Variants in GRIA1 observed in about 807,000 individuals in gnomAD.
GRIA1 encodes glutamate receptor 1.
GRIA1 carries 31 observed loss-of-function variants against 99.2 expected under a neutral mutation model. The ratio of observed to expected loss-of-function variants is 0.31; its 90% CI spans 0.23 to 0.42. GRIA1 has a LOEUF of 0.42. Among genes scored for constraint, GRIA1 ranks in the 10% least tolerant of loss-of-function variants. The pLI is 1.00. For missense variants in GRIA1, 782 were observed against 1,157.5 expected, an observed-to-expected ratio of 0.68 and a Z score of 4.71; for synonymous variants, 438 against 432.4, an observed-to-expected ratio of 1.01 and a Z score of -0.16.
intron 2 of GRIA1, among the ~76,000 whole-genome samples, chr5:153,594,398 G>A (rs1225288608): frequency 6.6e-6 from 1 of 152,058 alleles, no homozygotes; most frequent in East Asian, 1.9e-4. Flanking sequence ...TTTTTTGGGT[G>A]ATACCTTCAA....
At chr5:153,714,023 T>C (rs1482212623) in intron 11 of GRIA1, among the ~76,000 whole-genome samples, 1 of 152,158 alleles carries the variant, frequency 6.6e-6, no homozygotes, top group Non-Finnish European at 1.5e-5. Flanking sequence ...CCATCCCAAT[T>C]CGATAGGCGA....
rs56216909 is a variant in GRIA1, at chr5:153,772,675, A to G, written c.2270+2260A>G. On this transcript the variant is annotated intron_variant, in intron 13 of 15. Transcript: ENST00000285900. Reference sequence around the variant, plus strand: ...ATGTGTTTTTGCCTGGTTGAATCTAAAAGACTCTTTACAAGTTTGAGCAAA... The same window carrying G: ...ATGTGTTTTTGCCTGGTTGAATCTAGAAGACTCTTTACAAGTTTGAGCAAA... Among the ~76,000 whole-genome samples the G allele has an allele frequency of 4.3e-3, 655 of 152,284 alleles. 3 individuals carry two copies. The highest frequency in any genetic ancestry group is 0.015 in the African/African-American group (620 of 41,568).
intron 11 of GRIA1, among the ~76,000 whole-genome samples, chr5:153,748,058 C>G: frequency 6.6e-6 from 1 of 152,128 alleles, no homozygotes; most frequent in East Asian, 1.9e-4. Flanking sequence ...ATTGATAAGA[C>G]CCCCGCCCTC....
chr5:153,670,210 A>T (rs1287379646), intron 5 of GRIA1, among the ~76,000 whole-genome samples: 1 of 152,200 alleles, frequency 6.6e-6, no homozygotes, highest in Non-Finnish European at 1.5e-5. Context: ...GCAATGTGAA[A>T]TGCTACATAG....
rs147605734 is a variant in GRIA1 at position 153,731,237 on chromosome 5, T to A, written c.1823+25170T>A. ...CTCTCTGTCTCTCTTTCTCTCTCTC[T>A]CTCTCTCCATCTTCATCTCTTTCTC... On this transcript the variant is annotated intron_variant, in intron 11 of 15. Transcript: ENST00000285900. 2.7e-3 allele frequency among the ~76,000 whole-genome samples: 407 copies of A among 152,022 alleles called. 7 individuals carry two copies. The highest frequency in any genetic ancestry group is 0.023 in the Admixed American group (351 of 15,244).
At chr5:153,566,599 C>G (rs1197340066) in intron 2 of GRIA1, among the ~76,000 whole-genome samples, 1 of 151,388 alleles carries the variant, frequency 6.6e-6, no homozygotes, top group Non-Finnish European at 1.5e-5. Flanking sequence ...AACCACCATG[C>G]CCAGCCTCTT....
At chr5:153,810,915 G>A in intron 15 of GRIA1, 110 bp from the exon 16 acceptor site, 1 of 769,096 alleles carries the variant, frequency 1.3e-6, no homozygotes, top group Non-Finnish European at 2.3e-6. Context: ...TAGGAAAGGG[G>A]GTGGATGGGA....
chr5:153,687,985 C>T (rs1376132112), intron 8 of GRIA1, among the ~76,000 whole-genome samples: 1 of 152,220 alleles, frequency 6.6e-6, no homozygotes, highest in East Asian at 1.9e-4. Flanking sequence ...CTGGAGGCTC[C>T]AGAGTTAAGT....
chr5:153,600,201 C>T (rs1200278279), intron 2 of GRIA1, among the ~76,000 whole-genome samples: 1 of 151,888 alleles, frequency 6.6e-6, no homozygotes, highest in Admixed American at 6.6e-5. Context: ...ACCATCCTGG[C>T]TAACATGGTG....
chr5:153,538,192 T>C (rs1285466114), intron 2 of GRIA1, among the ~76,000 whole-genome samples: 1 of 152,190 alleles, frequency 6.6e-6, no homozygotes, highest in African/African-American at 2.4e-5. Flanking sequence ...TCCCAAAATA[T>C]TTAGAAATGA....
At chr5:153,795,526 A>T in intron 14 of GRIA1, 1 of 1,613,574 alleles carries the variant, frequency 6.2e-7, no homozygotes. Flanking sequence ...GGCGTCTTAG[A>T]CAAGCTGAAA....
At chr5:153,548,038 A>C (rs1759772284) in intron 2 of GRIA1, among the ~76,000 whole-genome samples, 1 of 152,214 alleles carries the variant, frequency 6.6e-6, no homozygotes, top group South Asian at 2.1e-4. Context: ...TCTCATAAAA[A>C]AAATTTTTGT....
chr5:153,650,786 C>T, intron 4 of GRIA1, among the ~76,000 whole-genome samples: 1 of 149,902 alleles, frequency 6.7e-6, no homozygotes. Flanking sequence ...ATGCTGGATG[C>T]AGTGGCTCAG....
At chr5:153,796,303 C>T (rs1765643319) in intron 14 of GRIA1, among the ~76,000 whole-genome samples, 2 of 152,114 alleles carry the variant, frequency 1.3e-5, no homozygotes, top group South Asian at 2.1e-4. Context: ...CCACCTGTGT[C>T]GTTATTTGCT....
rs570572387 is a variant in GRIA1, at chr5:153,510,413, T to C, written c.220+16348T>C. 3.9e-5 allele frequency among the ~76,000 whole-genome samples: 6 copies of C among 152,348 alleles called. No homozygotes were observed. In the South Asian group the frequency reaches 1.0e-3, roughly 26 times the overall value. On this transcript the variant is annotated intron_variant, in intron 2 of 15. Coordinates refer to ENST00000285900, the MANE Select transcript of GRIA1 (RefSeq NM_000827.4). Reference sequence around the variant, plus strand: ...TGAGATGACTTTGTTGATCCTAGTTTAAAGTTGCCTTGATCATAAGTATCC... The same window carrying C: ...TGAGATGACTTTGTTGATCCTAGTTCAAAGTTGCCTTGATCATAAGTATCC...
chr5:153,718,411 G>A (rs187449749), intron 11 of GRIA1, among the ~76,000 whole-genome samples: 73 of 152,198 alleles, frequency 4.8e-4, no homozygotes, highest in African/African-American at 1.7e-3. Flanking sequence ...AGGGGTCGGC[G>A]GGGCGAGTCA....
chr5:153,714,756 A>T (rs1028866642), intron 11 of GRIA1, among the ~76,000 whole-genome samples: 1 of 152,254 alleles, frequency 6.6e-6, no homozygotes, highest in African/African-American at 2.4e-5. Flanking sequence ...GTTAGGTACC[A>T]CCATCCAACC....
intron 2 of GRIA1, among the ~76,000 whole-genome samples, chr5:153,626,430 C>CTGTGTGTGTGTGTATG (rs1354402633): frequency 1.7e-4 from 22 of 132,908 alleles, no homozygotes; most frequent in Admixed American, 6.1e-4. Context: ...AATCTAGTCT[C>CTGTGTGTGTGTGTATG]TGTGTGTGTG....
At chr5:153,690,640 T>G (rs962421108) in intron 8 of GRIA1, among the ~76,000 whole-genome samples, 4 of 152,302 alleles carry the variant, frequency 2.6e-5, no homozygotes, top group African/African-American at 9.6e-5. Context: ...CAGCATTGCA[T>G]TTGGGGGAGT....
Sources: allele counts gnomAD v4.1 joint callset (sites outside exome capture counted in the v4.1 genomes callset), GRCh38; gene constraint gnomAD v4.1.1; transcripts MANE v1.5; gene names NCBI Gene and HGNC (gene_info 2026-07-23, HGNC 2026-07-21).